The following AGBL4 variants were observed in gnomAD, a reference collection of about 807,000 sequenced individuals.
AGBL4 encodes the protein cytosolic carboxypeptidase 6.
AGBL4 carries 58 observed loss-of-function variants against 66.4 expected under a neutral mutation model. The observed-to-expected ratio is 0.87, with a 90% confidence interval of 0.71 to 1.09. The LOEUF is 1.09. Among genes scored for constraint, AGBL4 ranks in the 50% least tolerant of loss-of-function variants. AGBL4 has a pLI of 0.00. For missense variants in AGBL4, 579 were observed against 631.0 expected (o/e 0.92, Z 0.88); for synonymous variants, 234 against 222.9 (o/e 1.05, Z -0.44).
intron 6 of AGBL4, among the ~76,000 whole-genome samples, chr1:48,729,362 G>A (rs1647723908): frequency 6.6e-6 from 1 of 152,166 alleles, no homozygotes; most frequent in Admixed American, 6.5e-5. Flanking sequence ...GGCGTGGGTG[G>A]TGAATGTACC....
intron 6 of AGBL4, among the ~76,000 whole-genome samples, chr1:48,788,123 C>T (rs1645452478): frequency 6.6e-6 from 1 of 152,222 alleles, no homozygotes; most frequent in Non-Finnish European, 1.5e-5. Context: ...CTCTCAGTTT[C>T]AGGTTTTTCA....
chr1:48,666,560 C>G (rs79861518), intron 6 of AGBL4, among the ~76,000 whole-genome samples: 2 of 152,148 alleles, frequency 1.3e-5, no homozygotes, highest in Non-Finnish European at 2.9e-5. Flanking sequence ...ACCTTTGTCA[C>G]TATAACCCTC....
intron 6 of AGBL4, among the ~76,000 whole-genome samples, chr1:48,866,252 T>C (rs1648074285): frequency 6.6e-6 from 1 of 152,128 alleles, no homozygotes; most frequent in African/African-American, 2.4e-5. Flanking sequence ...AGGGAAGGGC[T>C]GACAGAGTTC....
chr1:49,044,481 G>A (rs1475308648), intron 5 of AGBL4, among the ~76,000 whole-genome samples: 1 of 151,598 alleles, frequency 6.6e-6, no homozygotes, highest in Non-Finnish European at 1.5e-5. Flanking sequence ...GGGTGACAGA[G>A]CAAGACTCCA....
At chr1:49,183,164 A>G (rs970785244) in intron 4 of AGBL4, among the ~76,000 whole-genome samples, 50 of 152,268 alleles carry the variant, frequency 3.3e-4, no homozygotes, top group African/African-American at 1.1e-3. Flanking sequence ...TTCACATTCA[A>G]TCCTAAGGAT....
intron 2 of AGBL4, among the ~76,000 whole-genome samples, chr1:49,728,619 G>A (rs149421016): frequency 1.8e-4 from 27 of 152,274 alleles, no homozygotes; most frequent in Admixed American, 4.6e-4. Flanking sequence ...CACTCTTTTG[G>A]TGAGGTAAAC....
At chr1:49,735,101 A>G (rs759373018) in intron 2 of AGBL4, among the ~76,000 whole-genome samples, 3 of 152,112 alleles carry the variant, frequency 2.0e-5, no homozygotes, top group South Asian at 2.1e-4. Flanking sequence ...CCCATATTGT[A>G]GTAGGTAGAA....
chr1:49,337,081 A>G lies in AGBL4; in HGVS notation c.283-91217T>C, dbSNP rs975275215. Among the ~76,000 whole-genome samples, 4 of 152,144 alleles carry G rather than the reference A, an allele frequency of 2.6e-5. No individual in the cohort carries two copies. In the South Asian group the frequency reaches 8.3e-4, roughly 31 times the overall value. ...AAGTTCAGCAAGTACTTTGCTTCTC[A>G]GTGTCTTGGATCTTCATCTGCAAAA... On this transcript the variant is annotated intron_variant, in intron 3 of 13. Coordinates refer to ENST00000371839, the MANE Select transcript of AGBL4 (RefSeq NM_032785.4).
intron 9 of AGBL4, among the ~76,000 whole-genome samples, chr1:48,616,496 G>C (rs906105144): frequency 6.6e-6 from 1 of 152,128 alleles, no homozygotes; most frequent in Non-Finnish European, 1.5e-5. Context: ...GAAGCACAGC[G>C]CACTGCAAGC....
intron 1 of AGBL4, among the ~76,000 whole-genome samples, chr1:49,963,847 T>C (rs893805990): frequency 1.3e-5 from 2 of 152,090 alleles, no homozygotes; most frequent in Admixed American, 1.3e-4. Context: ...CCATGATTTT[T>C]TAAAGTTAAA....
chr1:49,004,424 A>C (rs1170958655), intron 5 of AGBL4, among the ~76,000 whole-genome samples: 1 of 152,212 alleles, frequency 6.6e-6, no homozygotes, highest in Non-Finnish European at 1.5e-5. Flanking sequence ...AATAAAATGA[A>C]ATGGCATATA....
chr1:49,102,442 G>A (rs1057128706), intron 4 of AGBL4, among the ~76,000 whole-genome samples: 10 of 152,178 alleles, frequency 6.6e-5, no homozygotes, highest in Admixed American at 2.6e-4. Flanking sequence ...TTCCCAGCAC[G>A]TGGGGACTCC....
intron 3 of AGBL4, among the ~76,000 whole-genome samples, chr1:49,454,458 C>T (rs1646345723): frequency 6.6e-6 from 1 of 151,640 alleles, no homozygotes; most frequent in Non-Finnish European, 1.5e-5. Flanking sequence ...AGAGGAGATT[C>T]TATGTGGTGC....
rs143703355 is a variant in AGBL4 at position 48,984,916 on chromosome 1, A to C, written c.594+60668T>G. On this transcript the variant is annotated intron_variant, in intron 5 of 13. Coordinates refer to ENST00000371839, the MANE Select transcript of AGBL4 (RefSeq NM_032785.4). ...ATATATGCAGAATTCCACAATGGAA[A>C]TTGAGCACAAAGGAGTAGAGAGAGA... Among the ~76,000 whole-genome samples, 307 of 152,172 alleles carry C rather than the reference A, an allele frequency of 2.0e-3. 2 individuals carry two copies. The highest frequency in any genetic ancestry group is 7.2e-3 in the African/African-American group (297 of 41,536).
At chr1:49,121,856 G>C (rs1279937456) in intron 4 of AGBL4, among the ~76,000 whole-genome samples, 1 of 152,240 alleles carries the variant, frequency 6.6e-6, no homozygotes, top group African/African-American at 2.4e-5. Flanking sequence ...GAGCTGCAGT[G>C]GGCTCCGCCC....
At chr1:49,654,563 T>A (rs1646078995) in intron 3 of AGBL4, among the ~76,000 whole-genome samples, 1 of 152,210 alleles carries the variant, frequency 6.6e-6, no homozygotes, top group South Asian at 2.1e-4. Context: ...AGTCTAAGTC[T>A]CTTTGTAGGT....
chr1:49,413,830 C>T (rs2148630927), intron 3 of AGBL4, among the ~76,000 whole-genome samples: 1 of 152,190 alleles, frequency 6.6e-6, no homozygotes, highest in Non-Finnish European at 1.5e-5. Context: ...TACTTCAAGT[C>T]TTGGCTCTTT....
At chr1:49,946,173 T>A (rs12139567) in intron 1 of AGBL4, among the ~76,000 whole-genome samples, 46,206 of 150,872 alleles carry the variant, frequency 0.31, 7,718 homozygotes, top group East Asian at 0.71. Context: ...ACAACAACAA[T>A]AAAAAAAATT....
chr1:49,163,567 G>A (rs547190775), intron 4 of AGBL4, among the ~76,000 whole-genome samples: 1 of 152,100 alleles, frequency 6.6e-6, no homozygotes, highest in African/African-American at 2.4e-5. Context: ...AATGCAAAAG[G>A]CTCCCCAGTT....
Sources: gnomAD v4.1 joint callset for allele counts (sites outside exome capture counted in the v4.1 genomes callset) on GRCh38, gnomAD v4.1.1 for gene constraint, MANE v1.5 for transcripts, NCBI Gene and HGNC (gene_info 2026-07-23, HGNC 2026-07-21) for gene names.